The following DIO2 variants were observed in gnomAD, a reference collection of about 807,000 sequenced individuals.
The protein encoded by DIO2 is iodothyronine deiodinase 2, also known as type II iodothyronine deiodinase.
Under a neutral mutation model 21.4 loss-of-function variants are expected in DIO2, and 19 were observed. The ratio of observed to expected loss-of-function variants is 0.89; its 90% confidence interval spans 0.62 to 1.30. The LOEUF (loss-of-function observed/expected upper bound fraction) is 1.30, where lower values mean the gene tolerates loss of function less well. Ranked by LOEUF, DIO2 falls within the 50% of genes most tolerant of loss-of-function variation. The pLI is 0.00. For missense variants in DIO2, 302 were observed against 338.1 expected, an observed-to-expected ratio of 0.89 and a Z score of 0.84; for synonymous variants, 122 against 132.9, an observed-to-expected ratio of 0.92 and a Z score of 0.57.
chr14:80,203,219 T>C lies in DIO2; in HGVS notation c.292A>G (p.Ser98Gly), dbSNP rs770472829. The change falls in exon 2 of 2, where the codon AGT becomes GGT. Residue 98 changes from serine (S) to glycine (G), a missense_variant. By Grantham distance (56) the Ser-to-Gly change is moderately conservative. Transcript: ENST00000438257. ...ATCTTCTCCTGGGTACCATTGCCAC[T>C]GTTGTCACCTCCTTCTGTACTGGAG... The part of the protein sequence containing the change: ...HVSSTEGGDN[S>G]GNGTQEKIAE... 6 of 1,609,546 alleles carry C rather than the reference T, an allele frequency of 3.7e-6. 1 individual carries two copies. The South Asian group carries it at 6.7e-5, about 18-fold the overall frequency.
chr14:80,225,681 G>C (rs1477186493), intron 2 of DIO2, among the ~76,000 whole-genome samples: 1 of 151,982 alleles, frequency 6.6e-6, no homozygotes, highest in Non-Finnish European at 1.5e-5. Context: ...TTTTTTTCCT[G>C]GTGAAGTGAC....
At chr14:80,206,456 T>G in intron 1 of DIO2, 1 of 582,048 alleles carries the variant, frequency 1.7e-6, no homozygotes, top group Non-Finnish European at 2.9e-6. Flanking sequence ...CCATAAAAAT[T>G]AAATTCCTAA....
intron 1 of DIO2, among the ~76,000 whole-genome samples, chr14:80,209,995 C>T (rs369342438): frequency 1.3e-5 from 2 of 152,234 alleles, no homozygotes; most frequent in East Asian, 3.9e-4. Flanking sequence ...TCTATTATTT[C>T]GAGTTCCCCG....
At position 80,203,296 on chromosome 14, in the gene DIO2, T is replaced by A. The variant is rs879039628; in HGVS notation, c.223-8A>T. 6.3e-5 allele frequency: 88 copies of A among 1,394,412 alleles called. No individual in the cohort carries two copies. Among genetic ancestry groups the A allele is most frequent in the South Asian group, 1.9e-4 (12 of 64,386 alleles). The allele number at this position is 1,394,412 out of a possible 1,614,324, so 86.4% of individuals were successfully genotyped here. Reference sequence around the variant, plus strand: ...ATCCTCACCCAATTTCACCTGACGGTAAAAAAAAAAAAAAAGAAGAAGAAG... The same window carrying A: ...ATCCTCACCCAATTTCACCTGACGGAAAAAAAAAAAAAAAAGAAGAAGAAG... On this transcript the variant is annotated splice_region_variant and splice_polypyrimidine_tract_variant and intron_variant, in intron 1 of 1. Transcript: ENST00000438257.
At chr14:80,230,443 C>T (rs1888663357) in intron 2 of DIO2, among the ~76,000 whole-genome samples, 5 of 152,162 alleles carry the variant, frequency 3.3e-5, no homozygotes, top group Admixed American at 3.3e-4. Flanking sequence ...AGATTTGAGG[C>T]TCAATATCTG....
In DIO2 at chr14:80,217,615, G is replaced by A. The variant is rs76844168; in HGVS notation, c.-277-878C>T. Among the ~76,000 whole-genome samples, 648 of 152,220 alleles carry A rather than the reference G, an allele frequency of 4.3e-3. 3 individuals are homozygous for A. The highest frequency in any genetic ancestry group is 6.8e-3 in the Non-Finnish European group (460 of 68,016). On this transcript the variant is annotated intron_variant, in intron 2 of 4. Coordinates refer to the DIO2 transcript ENST00000553594. Reference sequence around the variant, plus strand: ...ATGGACACTGGGAGTCTTTTATCAAGATGTGACCACTTAGCTAAATGATTA... The same window carrying A: ...ATGGACACTGGGAGTCTTTTATCAAAATGTGACCACTTAGCTAAATGATTA...
At chr14:80,215,234 G>A (rs1888324119), upstream of DIO2, among the ~76,000 whole-genome samples, 1 of 152,170 alleles carries the variant, frequency 6.6e-6, no homozygotes, top group African/African-American at 2.4e-5. Flanking sequence ...AGGGCAAAAT[G>A]CTTTGGGCTT....
In DIO2 at chr14:80,199,421, A is replaced by AAT. The variant is rs1457583734; in HGVS notation, c.*3267_*3268insAT. 19 of 152,224 alleles carry AAT rather than the reference A, an allele frequency of 1.2e-4. No individual in the cohort carries two copies. The highest frequency in any genetic ancestry group is 4.6e-4 in the African/African-American group (19 of 41,454). 9.4% of individuals were successfully genotyped at this position (152,224 alleles called of 1,614,324 possible). On this transcript the variant is annotated 3_prime_UTR_variant, in exon 2 of 2. Coordinates refer to ENST00000438257, the MANE Select transcript of DIO2 (RefSeq NM_013989.5). ...GTGAAGACACAGGACCAGAGACCCAATGTGAAAAAAGAAAGTCATGTAAGT... is the reference window on the plus strand; with the variant it reads ...GTGAAGACACAGGACCAGAGACCCAAATTGTGAAAAAAGAAAGTCATGTAAGT...
intron 1 of DIO2, among the ~76,000 whole-genome samples, chr14:80,209,703 T>C (rs774324542): frequency 1.3e-5 from 2 of 152,232 alleles, no homozygotes; most frequent in Non-Finnish European, 2.9e-5. Flanking sequence ...CCAATTCATA[T>C]TCTCATAAAA....
At position 80,199,814 on chromosome 14, in the gene DIO2, T is replaced by G. The variant is rs1023776560; in HGVS notation, c.*2875A>C. ...CTATGGGAGAAACATGATTAGGGAC[T>G]AAGAAAGAGAACTCAGACTTTTATA... On this transcript the variant is annotated 3_prime_UTR_variant, in exon 2 of 2. Coordinates refer to ENST00000438257, the MANE Select transcript of DIO2 (RefSeq NM_013989.5). 2 of 152,546 alleles carry G rather than the reference T, an allele frequency of 1.3e-5. No homozygotes were observed. Among genetic ancestry groups the G allele is most frequent in the Non-Finnish European group, 2.9e-5 (2 of 68,026 alleles). 9.4% of individuals were successfully genotyped at this position (152,546 alleles called of 1,614,324 possible). A position where few individuals can be genotyped will look rare whatever the true frequency, so the allele number is the denominator to read the frequency against.
chr14:80,203,041 AG>A lies in DIO2; in HGVS notation c.469del (p.Leu157CysfsTer?), dbSNP rs775939448. Reference protein sequence around the residue: ...VEEFSSVADFLLVYIDEAHPS... With the variant: ...VEEFSSVADFXLVYIDEAHPS... ...ATGAGCCTCATCAATGTAGACCAGC[AG>A]GAAGTCAGCCACTGAGGAGAACTCT... On this transcript the variant is annotated frameshift_variant, in exon 2 of 2. Coordinates refer to ENST00000438257, the MANE Select transcript of DIO2 (RefSeq NM_013989.5). LOFTEE classifies it high-confidence loss of function. 1 of 1,613,974 alleles carries A rather than the reference AG, an allele frequency of 6.2e-7. No homozygotes were observed. The highest frequency in any genetic ancestry group is 1.1e-5 in the South Asian group (1 of 91,080).
chr14:80,206,484 T>C (rs1276992252), intron 1 of DIO2: 1 of 534,952 alleles, frequency 1.9e-6, no homozygotes, highest in African/African-American at 2.0e-5. Flanking sequence ...GAGTTTCAAA[T>C]GGAGAACTTC....
Position 80,223,896 on chromosome 14 carries a change from A to G in DIO2, c.-277-7159T>C, listed in dbSNP as rs559623901. Among the ~76,000 whole-genome samples the G allele has an allele frequency of 3.3e-5, 5 of 152,338 alleles. No homozygotes were observed. In the East Asian group the frequency reaches 7.7e-4, roughly 24 times the overall value. ...AGTACTTTAATCACTTTTGTGACCA[A>G]CCTTGATTAAATGTATCAAAACAAA... On this transcript the variant is annotated intron_variant, in intron 2 of 4. Transcript: ENST00000553594.
chr14:80,203,309 AAAGAAG>A (rs755941003), intron 1 of DIO2, 21 bp from the exon 2 acceptor site: 13 of 1,422,616 alleles, frequency 9.1e-6, no homozygotes, highest in Admixed American at 2.6e-5. Context: ...AAAAAAAAAA[AAAGAAG>A]AAGAAGAAGA....
intron 1 of DIO2, among the ~76,000 whole-genome samples, chr14:80,205,107 C>G (rs1449092766): frequency 3.3e-5 from 5 of 151,950 alleles, no homozygotes. Flanking sequence ...TATGAACTAC[C>G]CTAGTCTTTA....
intron 2 of DIO2, among the ~76,000 whole-genome samples, chr14:80,219,690 A>G (rs1888428027): frequency 6.6e-6 from 1 of 152,302 alleles, no homozygotes; most frequent in South Asian, 2.1e-4. Context: ...CTTACATGCT[A>G]TAATACGTGC....
Position 80,202,568 on chromosome 14 carries a change from G to T in DIO2, c.*121C>A, listed in dbSNP as rs1887774071. 1.9e-6 allele frequency: 2 copies of T among 1,051,858 alleles called. No individual in the cohort carries two copies. The highest frequency in any genetic ancestry group is 1.3e-6 in the Non-Finnish European group (1 of 741,288). 65.2% of individuals were successfully genotyped at this position (1,051,858 alleles called of 1,614,324 possible). A position where few individuals can be genotyped will look rare whatever the true frequency, so the allele number is the denominator to read the frequency against. On this transcript the variant is annotated 3_prime_UTR_variant, in exon 2 of 2. Transcript: ENST00000438257. The stretch of plus-strand genomic sequence containing the variant: ...AGCTGTTAGAGATTCATGTTCTTCC[G>T]ATAGATAAACTCCTGTCTTTCAGTA...
chr14:80,226,498 C>T (rs1441583702), intron 2 of DIO2, among the ~76,000 whole-genome samples: 1 of 152,176 alleles, frequency 6.6e-6, no homozygotes, highest in Non-Finnish European at 1.5e-5. Context: ...CCAGTGAGGA[C>T]AAACCTGTGC....
In DIO2 at chr14:80,201,829, T is replaced by C. The variant is rs914159735; in HGVS notation, c.*860A>G. 3 of 152,696 alleles carry C rather than the reference T, an allele frequency of 2.0e-5. No homozygotes were observed. The highest frequency in any genetic ancestry group is 7.2e-5 in the African/African-American group (3 of 41,450). 9.5% of individuals were successfully genotyped at this position (152,696 alleles called of 1,614,324 possible). On this transcript the variant is annotated 3_prime_UTR_variant, in exon 2 of 2. Coordinates refer to ENST00000438257, the MANE Select transcript of DIO2 (RefSeq NM_013989.5). ...GCATATGACAAATATATTGTTTTTA[T>C]ATGTGTATTCTCTATGCCACTTTTA...
Sources: gnomAD v4.1 joint callset for allele counts (sites outside exome capture counted in the v4.1 genomes callset) on GRCh38, gnomAD v4.1.1 for gene constraint, MANE v1.5 for transcripts, NCBI Gene and HGNC (gene_info 2026-07-23, HGNC 2026-07-21) for gene names.